Variants in VSIG10 observed in about 807,000 individuals in gnomAD.
VSIG10 encodes the protein V-set and immunoglobulin domain containing 10.
In VSIG10, 48 loss-of-function variants were observed where a neutral mutation model predicts 58.7. That is an observed-to-expected ratio of 0.82 (90% CI 0.65 to 1.04). The LOEUF (loss-of-function observed/expected upper bound fraction) is 1.04, where lower values mean the gene tolerates loss of function less well. VSIG10 is among the 50% of genes least tolerant of loss of function. The pLI, the probability that VSIG10 is intolerant of heterozygous loss-of-function variation, is 0.00. For missense variants in VSIG10, 628 were observed against 670.0 expected (o/e 0.94, Z 0.69); for synonymous variants, 260 against 267.1 (o/e 0.97, Z 0.26).
chr12:118,087,649 C>T, intron 2 of VSIG10, among the ~76,000 whole-genome samples: 1 of 151,562 alleles, frequency 6.6e-6, no homozygotes, highest in Non-Finnish European at 1.5e-5. Flanking sequence ...CCAGCCTGGG[C>T]AATATAGTGA....
chr12:118,070,553 A>T (rs1018642792), intron 7 of VSIG10, among the ~76,000 whole-genome samples: 1 of 150,408 alleles, frequency 6.6e-6, no homozygotes, highest in African/African-American at 2.4e-5. Flanking sequence ...GTCTCAAAAA[A>T]AAAAAAAAAA....
At chr12:118,095,417 G>T in intron 2 of VSIG10, 116 bp downstream of exon 2, 1 of 1,322,280 alleles carries the variant, frequency 7.6e-7, no homozygotes, top group Non-Finnish European at 1.0e-6. Context: ...CATGTGGCAG[G>T]GCCCAGAATG....
At chr12:118,068,210 TTTTTCG>T (rs1350180074) in intron 8 of VSIG10, among the ~76,000 whole-genome samples, 161 bp downstream of exon 8, 1 of 147,032 alleles carries the variant, frequency 6.8e-6, no homozygotes, top group Admixed American at 6.8e-5. Flanking sequence ...TTTTTTTTTT[TTTTTCG>T]TAGAGACAGA....
At chr12:118,099,145 T>C (rs2033556472) in intron 1 of VSIG10, among the ~76,000 whole-genome samples, 1 of 151,762 alleles carries the variant, frequency 6.6e-6, no homozygotes, top group African/African-American at 2.4e-5. Flanking sequence ...TCCCAGGGCT[T>C]TGGGAGGCTG....
chr12:118,090,297 T>A (rs2033256530), intron 2 of VSIG10, among the ~76,000 whole-genome samples: 1 of 152,130 alleles, frequency 6.6e-6, no homozygotes, highest in African/African-American at 2.4e-5. Context: ...AGAGCAAGAC[T>A]CTATCTCAAA....
intron 2 of VSIG10, among the ~76,000 whole-genome samples, chr12:118,093,133 CAAAA>C (rs63145763): frequency 7.2e-6 from 1 of 139,158 alleles, no homozygotes. Context: ...GCTAAAAATA[CAAAA>C]AAAAAAAAAA....
intron 1 of VSIG10, 89 bp from the exon 2 acceptor site, chr12:118,095,903 T>G (rs2033437363): frequency 7.2e-7 from 1 of 1,380,798 alleles, no homozygotes; most frequent in African/African-American, 1.5e-5. Context: ...TAGGATTTTT[T>G]TAAAAATCAG....
In VSIG10 at chr12:118,077,271, C is replaced by T. The variant is rs183562350; in HGVS notation, c.925+2075G>A. On this transcript the variant is annotated intron_variant, in intron 4 of 8. Transcript: ENST00000359236. ...GTTGCCTCTGCCAGGAACACTCAGC[C>T]CACGGATCTTCACCTAGCCAGCTCC... Among the ~76,000 whole-genome samples the T allele has an allele frequency of 2.3e-3, 354 of 152,172 alleles. 1 individual carries two copies. Among genetic ancestry groups the T allele is most frequent in the Middle Eastern group, 0.014 (4 of 294 alleles).
intron 1 of VSIG10, among the ~76,000 whole-genome samples, chr12:118,101,280 CA>C (rs1355914530): frequency 6.6e-6 from 1 of 152,104 alleles, no homozygotes; most frequent in African/African-American, 2.4e-5. Context: ...CTGACATAGA[CA>C]TGGAAGGGGT....
At chr12:118,100,474 G>A (rs955232739) in intron 1 of VSIG10, among the ~76,000 whole-genome samples, 2 of 151,914 alleles carry the variant, frequency 1.3e-5, no homozygotes, top group Non-Finnish European at 2.9e-5. Flanking sequence ...TCCAGCCTGG[G>A]TAACAGAGCA....
intron 2 of VSIG10, among the ~76,000 whole-genome samples, chr12:118,084,898 A>G (rs1378311462): frequency 6.6e-6 from 1 of 152,208 alleles, no homozygotes. Flanking sequence ...GGGCGCCTGT[A>G]GTCCCAGCTA....
At position 118,095,658 on chromosome 12, in the gene VSIG10, C is replaced by T. The variant is rs374970355; in HGVS notation, c.236G>A (p.Arg79His). 109 of 1,613,916 alleles carry T rather than the reference C, an allele frequency of 6.8e-5. No individual in the cohort carries two copies. Among genetic ancestry groups the T allele is most frequent in the South Asian group, 2.2e-4 (20 of 91,084 alleles). ...SNSSLRPAEP[R>H]FSLVDATSLH... ...GGAGGTGGCATCCACTAGAGAGAAGCGAGGCTCAGCTGGCCGGAGGCTAGA... is the reference window on the plus strand; with the variant it reads ...GGAGGTGGCATCCACTAGAGAGAAGTGAGGCTCAGCTGGCCGGAGGCTAGA... Residue 79 changes from arginine to histidine, a missense_variant, in exon 2 of 9, where the codon CGC becomes CAC. By Grantham distance (29) the Arg-to-His change is conservative. Transcript: ENST00000359236.
chr12:118,068,245 G>A, intron 8 of VSIG10, 132 bp downstream of exon 8: 1 of 588,562 alleles, frequency 1.7e-6, no homozygotes, highest in Non-Finnish European at 2.8e-6. Flanking sequence ...ATGTTGCCCA[G>A]GCTAGTCTTG....
At chr12:118,070,854 T>C (rs12809627) in intron 7 of VSIG10, 198 bp downstream of exon 7, 91,090 of 632,794 alleles carry the variant, frequency 0.14, 8,019 homozygotes, top group African/African-American at 0.33. Context: ...ATCTGGAAAA[T>C]GGAGATGTCA....
intron 2 of VSIG10, among the ~76,000 whole-genome samples, chr12:118,088,053 G>A (rs2137921034): frequency 6.6e-6 from 1 of 152,010 alleles, no homozygotes; most frequent in Middle Eastern, 3.4e-3. Context: ...AGACCAGCCT[G>A]GCCAACATGG....
intron 2 of VSIG10, among the ~76,000 whole-genome samples, chr12:118,083,619 T>A (rs2033034170): frequency 6.6e-6 from 1 of 151,980 alleles, no homozygotes. Context: ...TGGTATCATG[T>A]GCCTATAGTC....
In VSIG10 at chr12:118,089,285, G is replaced by A. The variant is rs368900790; in HGVS notation, c.361+6248C>T. On this transcript the variant is annotated intron_variant, in intron 2 of 8. Coordinates refer to ENST00000359236, the MANE Select transcript of VSIG10 (RefSeq NM_019086.6). ...GACATTTTTAAAGTTGCAAGTTCAC[G>A]TTCATTGCAACAAGACCTTGCCTTT... 4.6e-5 allele frequency among the ~76,000 whole-genome samples: 7 copies of A among 152,030 alleles called. No individual in the cohort carries two copies. The South Asian group carries it at 8.3e-4, about 18-fold the overall frequency.
chr12:118,073,666 C>G (rs747351974), intron 5 of VSIG10, 33 bp downstream of exon 5: 20 of 1,551,240 alleles, frequency 1.3e-5, no homozygotes, highest in Non-Finnish European at 1.6e-5. Flanking sequence ...AGCTCTGAAC[C>G]CTCCCTCCTT....
chr12:118,072,879 A>C (rs2032555820), intron 5 of VSIG10, among the ~76,000 whole-genome samples: 1 of 152,254 alleles, frequency 6.6e-6, no homozygotes, highest in South Asian at 2.1e-4. Context: ...TTTTAGTGTA[A>C]GTATGTCTCA....
Sources: allele counts gnomAD v4.1 joint callset (sites outside exome capture counted in the v4.1 genomes callset), GRCh38; gene constraint gnomAD v4.1.1; transcripts MANE v1.5; gene names NCBI Gene and HGNC (gene_info 2026-07-23, HGNC 2026-07-21).